The following LRGUK variants were observed in gnomAD, a reference collection of about 807,000 sequenced individuals.
LRGUK encodes the protein leucine-rich repeat and guanylate kinase domain-containing protein.
A neutral mutation model predicts 76.0 loss-of-function variants in LRGUK; 65 were observed. The observed-to-expected ratio is 0.85, with a 90% CI of 0.70 to 1.05. The LOEUF is 1.05. Ranked by LOEUF, LRGUK falls within the 50% of genes least tolerant of loss-of-function variation. LRGUK has a pLI of 0.00. For missense variants in LRGUK, 758 were observed against 732.8 expected, an observed-to-expected ratio of 1.03 and a Z score of -0.40; for synonymous variants, 268 against 265.6, an observed-to-expected ratio of 1.01 and a Z score of -0.09.
At chr7:134,141,317 ACTCT>A (rs1797755345) in intron 3 of LRGUK, among the ~76,000 whole-genome samples, 1 of 151,986 alleles carries the variant, frequency 6.6e-6, no homozygotes, top group Non-Finnish European at 1.5e-5. Context: ...TCTGGGCCCC[ACTCT>A]CAGGGTTTCT....
chr7:134,267,046 G>T (rs1445278651), downstream of LRGUK, among the ~76,000 whole-genome samples: 1 of 152,118 alleles, frequency 6.6e-6, no homozygotes, highest in Admixed American at 6.6e-5. Context: ...TGTCCTTCAG[G>T]TATGAAGGAG....
At chr7:134,132,069 A>T (rs1378745565) in intron 1 of LRGUK, among the ~76,000 whole-genome samples, 1 of 152,214 alleles carries the variant, frequency 6.6e-6, no homozygotes, top group African/African-American at 2.4e-5. Flanking sequence ...ACGTGATGAC[A>T]GGGTGCAGTG....
intron 6 of LRGUK, among the ~76,000 whole-genome samples, chr7:134,163,095 G>A (rs1798819598): frequency 6.6e-6 from 1 of 152,170 alleles, no homozygotes. Flanking sequence ...CTTCAGGTGT[G>A]CAATGTTAAA....
At chr7:134,201,604 A>T (rs77468654) in intron 15 of LRGUK, 28 bp downstream of exon 15, 1 of 1,274,732 alleles carries the variant, frequency 7.8e-7, no homozygotes, top group Non-Finnish European at 1.1e-6. Context: ...TTGTGCCAGG[A>T]TTTTTTTTTT....
chr7:134,180,884 C>T (rs546386011), intron 10 of LRGUK, among the ~76,000 whole-genome samples: 46 of 152,266 alleles, frequency 3.0e-4, no homozygotes, highest in African/African-American at 1.1e-3. Context: ...ACCCATTAAG[C>T]AATAACTCCT....
Position 134,139,255 on chromosome 7 carries a change from CT to C in LRGUK, c.406-172del, listed in dbSNP as rs202108072. Among the ~76,000 whole-genome samples the C allele has an allele frequency of 3.8e-3, 574 of 150,990 alleles. 7 individuals carry two copies. The highest frequency in any genetic ancestry group is 0.013 in the African/African-American group (521 of 41,202). On this transcript the variant is annotated intron_variant, in intron 2 of 15. Transcript: ENST00000645682. The stretch of plus-strand genomic sequence containing the variant: ...GCTATTATTTTCTTCAAAGGAAGGG[CT>C]TTTTTTTTATGGCATCTGTTTTGAG...
At chr7:134,267,186 TGAAG>T (rs1383256274), downstream of LRGUK, among the ~76,000 whole-genome samples, 6 of 152,004 alleles carry the variant, frequency 3.9e-5, no homozygotes, top group African/African-American at 1.4e-4. Context: ...TGAAAGATCA[TGAAG>T]GAAGAAAGAA....
chr7:134,204,103 GCTCTGAGTAACTGAGAA>G (rs79569663), intron 15 of LRGUK, among the ~76,000 whole-genome samples: 5,888 of 152,220 alleles, frequency 0.039, 237 homozygotes, highest in East Asian at 0.15. Context: ...AGCCTGACCA[GCTCTGAGTAACTGAGAA>G]CAGTGTGTTT....
At chr7:134,138,640 A>G (rs1324132458) in intron 2 of LRGUK, among the ~76,000 whole-genome samples, 1 of 152,146 alleles carries the variant, frequency 6.6e-6, no homozygotes, top group Non-Finnish European at 1.5e-5. Flanking sequence ...AATCACCATT[A>G]TTCTATATGA....
At chr7:134,222,922 A>G (rs1258936320) in intron 16 of LRGUK, among the ~76,000 whole-genome samples, 1 of 152,144 alleles carries the variant, frequency 6.6e-6, no homozygotes, top group Non-Finnish European at 1.5e-5. Flanking sequence ...CTAAACAAAT[A>G]GGTGCATCAA....
chr7:134,221,961 T>G (rs1041766594), intron 16 of LRGUK, 43 bp downstream of exon 16: 1 of 1,474,166 alleles, frequency 6.8e-7, no homozygotes, highest in Non-Finnish European at 9.0e-7. Context: ...CTGAGCTCTA[T>G]ACAATGTCAG....
At chr7:134,140,082 C>T (rs1797709085) in intron 3 of LRGUK, among the ~76,000 whole-genome samples, 2 of 152,148 alleles carry the variant, frequency 1.3e-5, no homozygotes, top group Admixed American at 6.5e-5. Context: ...GATTATCCTG[C>T]CTCAGCCTCT....
intron 11 of LRGUK, among the ~76,000 whole-genome samples, chr7:134,190,674 T>C (rs569821119): frequency 6.6e-6 from 1 of 152,344 alleles, no homozygotes; most frequent in East Asian, 1.9e-4. Context: ...GGAGTTATTT[T>C]TGTAGTCATC....
intron 12 of LRGUK, among the ~76,000 whole-genome samples, chr7:134,193,980 A>C (rs770656758): frequency 1.2e-4 from 18 of 152,136 alleles, no homozygotes; most frequent in Non-Finnish European, 7.4e-5. Flanking sequence ...CACAACACAC[A>C]ATCATCCCCC....
intron 15 of LRGUK, among the ~76,000 whole-genome samples, chr7:134,205,722 A>G (rs1328627898): frequency 2.0e-5 from 3 of 152,226 alleles, no homozygotes; most frequent in Non-Finnish European, 2.9e-5. Flanking sequence ...AATAACCATT[A>G]ACTTGATTCG....
At chr7:134,127,457 A>G (rs756234267) in exon 1 of LRGUK, 1 of 1,613,660 alleles carries the variant, frequency 6.2e-7, no homozygotes, top group Non-Finnish European at 8.5e-7. Flanking sequence ...CCCGATCGTT[A>G]CAGTTTCGCG....
chr7:134,210,265 T>C (rs183589796), downstream of LRGUK: 1 of 398,704 alleles, frequency 2.5e-6, no homozygotes, highest in East Asian at 3.6e-5. Flanking sequence ...AGTATTTCAG[T>C]GTGTAACTGT....
At chr7:134,228,389 CATAG>C (rs1262235877) in intron 16 of LRGUK, among the ~76,000 whole-genome samples, 4 of 151,900 alleles carry the variant, frequency 2.6e-5, no homozygotes, top group Admixed American at 6.6e-5. Flanking sequence ...TAGAGAGTGT[CATAG>C]ATAGAGAAAA....
rs59840547 is a variant in LRGUK at position 134,263,623 on chromosome 7, C to CTT, written c.2348-203_2348-202dup. 6.6e-4 allele frequency among the ~76,000 whole-genome samples: 75 copies of CTT among 113,998 alleles called. 1 individual carries two copies. The highest frequency in any genetic ancestry group is 1.4e-3 in the African/African-American group (43 of 30,258). The allele number at this position is 113,998 out of a possible 152,430, so 74.8% of individuals were successfully genotyped here. A position where few individuals can be genotyped will look rare whatever the true frequency, so the allele number is the denominator to read the frequency against. On this transcript the variant is annotated intron_variant, in intron 19 of 19. Transcript: ENST00000285928. ...ATTCTTCCTTGAATGTCATTTCTTT[C>CTT]TTTTTTTTTTTTTTTTTTTTGGCCT...
Sources: gnomAD v4.1 joint callset for allele counts (sites outside exome capture counted in the v4.1 genomes callset) on GRCh38, gnomAD v4.1.1 for gene constraint, MANE v1.5 for transcripts, NCBI Gene and HGNC (gene_info 2026-07-23, HGNC 2026-07-21) for gene names.